Variants in SLC25A20 observed in about 807,000 individuals in gnomAD.
SLC25A20 encodes mitochondrial carnitine/acylcarnitine carrier protein.
SLC25A20 carries 29 observed loss-of-function variants against 39.7 expected under a neutral mutation model. The ratio of observed to expected loss-of-function variants is 0.73; its 90% CI spans 0.54 to 1.00. The LOEUF (loss-of-function observed/expected upper bound fraction) is 1.00, where lower values mean the gene tolerates loss of function less well. Ranked by LOEUF, SLC25A20 falls within the 50% of genes least tolerant of loss-of-function variation. SLC25A20 has a pLI of 0.00. For synonymous variants in SLC25A20, 103 were observed against 142.2 expected, an observed-to-expected ratio of 0.72 and a Z score of 1.96; for missense variants, 333 against 379.9, an observed-to-expected ratio of 0.88 and a Z score of 1.03.
chr3:48,868,172 G>A (rs2106642045), intron 4 of SLC25A20, among the ~76,000 whole-genome samples: 1 of 151,970 alleles, frequency 6.6e-6, no homozygotes, highest in South Asian at 2.1e-4. Flanking sequence ...TTTTCTCAGT[G>A]AAGTCAGAAA....
At chr3:48,866,880 G>C (rs1298224811) in intron 4 of SLC25A20, among the ~76,000 whole-genome samples, 1 of 151,906 alleles carries the variant, frequency 6.6e-6, no homozygotes, top group Non-Finnish European at 1.5e-5. Context: ...GGCAACCTCT[G>C]CCTCCCAGGT....
chr3:48,889,182 TTAA>T (rs1267381270), intron 2 of SLC25A20, among the ~76,000 whole-genome samples: 1 of 151,732 alleles, frequency 6.6e-6, no homozygotes, highest in Non-Finnish European at 1.5e-5. Flanking sequence ...ATTATTATTA[TTAA>T]TATTATTCTT....
Position 48,857,321 on chromosome 3 carries a change from C to G in SLC25A20, c.*389G>C, listed in dbSNP as rs2083587129. 2 of 266,838 alleles carry G rather than the reference C, an allele frequency of 7.5e-6. No homozygotes were observed. The highest frequency in any genetic ancestry group is 2.2e-5 in the African/African-American group (1 of 45,044). The allele number at this position is 266,838 out of a possible 1,614,324, so 16.5% of individuals were successfully genotyped here. A position where few individuals can be genotyped will look rare whatever the true frequency, so the allele number is the denominator to read the frequency against. On this transcript the variant is annotated 3_prime_UTR_variant, in exon 9 of 9. Coordinates refer to ENST00000319017, the MANE Select transcript of SLC25A20 (RefSeq NM_000387.6). ...GAAGAAGATCTCAGCTCCTGGTGAT[C>G]TGGTTGAAAATATGCACAGTGCCTC...
intron 1 of SLC25A20, chr3:48,895,791 C>T (rs776879182): frequency 6.4e-5 from 29 of 456,484 alleles, no homozygotes; most frequent in African/African-American, 5.6e-4. Flanking sequence ...TCCTTCAGAT[C>T]TCCCATAGTC....
intron 1 of SLC25A20, among the ~76,000 whole-genome samples, 188 bp downstream of exon 1, chr3:48,898,502 C>A (rs2083926138): frequency 6.6e-6 from 1 of 152,250 alleles, no homozygotes; most frequent in Non-Finnish European, 1.5e-5. Context: ...TCACTTTGCG[C>A]CGCCGCCTGG....
chr3:48,885,885 A>AG (rs1271986816), intron 2 of SLC25A20, among the ~76,000 whole-genome samples: 1 of 152,204 alleles, frequency 6.6e-6, no homozygotes, highest in South Asian at 2.1e-4. Context: ...GGCAGTGTGT[A>AG]GCAAACCAAA....
intron 5 of SLC25A20, 44 bp from the exon 6 acceptor site, chr3:48,859,671 T>A (rs1367322087): frequency 6.8e-7 from 1 of 1,460,556 alleles, no homozygotes; most frequent in Admixed American, 1.7e-5. Context: ...CATAAACTCT[T>A]CGCCAGGCAT....
At position 48,884,234 on chromosome 3, in the gene SLC25A20, T is replaced by G. The variant is rs567503700; in HGVS notation, c.199-110A>C. The G allele has an allele frequency of 2.9e-6, 4 of 1,366,366 alleles. No individual in the cohort carries two copies. In the South Asian group the frequency reaches 3.5e-5, roughly 12 times the overall value. The allele number at this position is 1,366,366 out of a possible 1,614,324, so 84.6% of individuals were successfully genotyped here. A position where few individuals can be genotyped will look rare whatever the true frequency, so the allele number is the denominator to read the frequency against. On this transcript the variant is annotated intron_variant, in intron 2 of 8. Transcript: ENST00000319017. ...AACTGTGGCTTCCTTCACCTCTTCT[T>G]GAAGCAAGGAGAACTTTAAATGGAA...
chr3:48,876,278 G>T (rs2083756230), intron 4 of SLC25A20, among the ~76,000 whole-genome samples: 1 of 148,418 alleles, frequency 6.7e-6, no homozygotes, highest in African/African-American at 2.5e-5. Context: ...GGGGGAAGAG[G>T]TGGCAGTGAG....
At chr3:48,883,757 G>A (rs1392991798) in intron 3 of SLC25A20, among the ~76,000 whole-genome samples, 1 of 151,652 alleles carries the variant, frequency 6.6e-6, no homozygotes, top group Non-Finnish European at 1.5e-5. Context: ...AAGTAGCTGG[G>A]ACTACAGGCG....
chr3:48,890,799 T>C (rs7428387), intron 2 of SLC25A20, among the ~76,000 whole-genome samples: 101,915 of 150,152 alleles, frequency 0.68, 34,957 homozygotes, highest in East Asian at 0.96. Context: ...GGACTACAGG[T>C]GCCCGCCACG....
At chr3:48,860,953 C>A (rs1399974146) in intron 5 of SLC25A20, among the ~76,000 whole-genome samples, 1 of 151,380 alleles carries the variant, frequency 6.6e-6, no homozygotes, top group Non-Finnish European at 1.5e-5. Flanking sequence ...CCTGCCTCAG[C>A]CTCCTGAGTA....
Position 48,862,560 on chromosome 3 carries a change from C to T in SLC25A20, c.517G>A (p.Val173Met). The stretch of plus-strand genomic sequence containing the variant: ...AGGTTACCTCGCATAAGGGTAAGCA[C>T]AGTCCCTTTGTAGATGCCTCGGATC... Reference protein sequence around the residue: ...FGIRGIYKGTVLTLMRDVPAS... With the variant: ...FGIRGIYKGTMLTLMRDVPAS... The change falls in exon 5 of 9, where the codon GTG (valine) becomes ATG (methionine). Residue 173 changes from valine (V) to methionine (M), a missense_variant. Val to Met is a conservative substitution (Grantham distance 21). Transcript: ENST00000319017. The T allele has an allele frequency of 1.2e-6, 2 of 1,613,166 alleles. No homozygotes were observed. The highest frequency in any genetic ancestry group is 2.2e-5 in the East Asian group (1 of 44,872).
At chr3:48,862,770 CT>C in intron 4 of SLC25A20, 111 bp from the exon 5 acceptor site, 1 of 756,628 alleles carries the variant, frequency 1.3e-6, no homozygotes, top group Non-Finnish European at 2.4e-6. Flanking sequence ...CAATAAAAGA[CT>C]TCACTGTCAA....
At chr3:48,865,771 A>G (rs1050447290) in intron 4 of SLC25A20, among the ~76,000 whole-genome samples, 1 of 149,644 alleles carries the variant, frequency 6.7e-6, no homozygotes, top group Admixed American at 6.7e-5. Flanking sequence ...TCTGTCTCAA[A>G]CAAAAAAAAA....
chr3:48,857,540 A>G lies in SLC25A20; in HGVS notation c.*170T>C. 2 of 654,720 alleles carry G rather than the reference A, an allele frequency of 3.1e-6. No homozygotes were observed. The highest frequency in any genetic ancestry group is 2.8e-6 in the Non-Finnish European group (1 of 356,988). The allele number at this position is 654,720 out of a possible 1,614,324, so 40.6% of individuals were successfully genotyped here. On this transcript the variant is annotated 3_prime_UTR_variant, in exon 9 of 9. Coordinates refer to ENST00000319017, the MANE Select transcript of SLC25A20 (RefSeq NM_000387.6). ...GTTTCAAAATGACACACTAAGTTATACACGGTGCAGGATGTCATTAAGGCA... is the reference window on the plus strand; with the variant it reads ...GTTTCAAAATGACACACTAAGTTATGCACGGTGCAGGATGTCATTAAGGCA...
intron 5 of SLC25A20, among the ~76,000 whole-genome samples, chr3:48,862,063 A>G (rs545465316): frequency 4.3e-4 from 66 of 152,244 alleles, no homozygotes; most frequent in Non-Finnish European, 8.1e-4. Flanking sequence ...AAAAATAAAT[A>G]AGGTTTTCTC....
At chr3:48,881,551 C>T (rs977797026) in intron 3 of SLC25A20, among the ~76,000 whole-genome samples, 5 of 152,194 alleles carry the variant, frequency 3.3e-5, no homozygotes, top group Admixed American at 3.3e-4. Context: ...GCCCTGGTAA[C>T]ACTCCTTTCC....
At chr3:48,890,631 TC>T (rs2083865571) in intron 2 of SLC25A20, among the ~76,000 whole-genome samples, 1 of 146,586 alleles carries the variant, frequency 6.8e-6, no homozygotes, top group African/African-American at 2.5e-5. Flanking sequence ...TAACTCACCC[TC>T]CTTACCCTGC....
Sources: allele counts gnomAD v4.1 joint callset (sites outside exome capture counted in the v4.1 genomes callset), GRCh38; gene constraint gnomAD v4.1.1; transcripts MANE v1.5; gene names NCBI Gene and HGNC (gene_info 2026-07-23, HGNC 2026-07-21).